The following IFNAR1 variants were observed in gnomAD, a reference collection of about 807,000 sequenced individuals.
The protein encoded by IFNAR1 is interferon alpha and beta receptor subunit 1, also known as interferon alpha/beta receptor 1.
Under a neutral mutation model 62.1 loss-of-function variants are expected in IFNAR1, and 47 were observed. The ratio of observed to expected loss-of-function variants is 0.76; its 90% confidence interval spans 0.60 to 0.97. IFNAR1 has a LOEUF of 0.97. IFNAR1 is among the 50% of genes least tolerant of loss of function. The pLI, the probability that IFNAR1 is intolerant of heterozygous loss-of-function variation, is 0.00. For synonymous variants in IFNAR1, 219 were observed against 226.9 expected (o/e 0.97, Z 0.31); for missense variants, 638 against 654.5 (o/e 0.97, Z 0.27).
intron 2 of IFNAR1, 83 bp from the exon 3 acceptor site, chr21:33,340,916 C>T (rs2083286136): frequency 2.3e-6 from 2 of 867,962 alleles, no homozygotes; most frequent in East Asian, 2.5e-5. Context: ...TAAGAAATAA[C>T]TCTTATACCA....
At chr21:33,352,486 C>G (rs2083407277) in intron 8 of IFNAR1, among the ~76,000 whole-genome samples, 1 of 152,024 alleles carries the variant, frequency 6.6e-6, no homozygotes, top group African/African-American at 2.4e-5. Context: ...ATCTGTAATC[C>G]CAACTACTCA....
intron 1 of IFNAR1, among the ~76,000 whole-genome samples, chr21:33,331,577 T>C (rs769920148): frequency 2.0e-5 from 3 of 152,162 alleles, no homozygotes; most frequent in African/African-American, 4.8e-5. Context: ...AGTGGAGTCA[T>C]CACTGTGCTG....
At chr21:33,332,116 G>A (rs2083187153) in intron 1 of IFNAR1, among the ~76,000 whole-genome samples, 1 of 152,170 alleles carries the variant, frequency 6.6e-6, no homozygotes, top group South Asian at 2.1e-4. Flanking sequence ...TATAGCCCCT[G>A]TCAGACCTGA....
At chr21:33,335,491 A>T in intron 1 of IFNAR1, 33 bp from the exon 2 acceptor site, 1 of 1,314,988 alleles carries the variant, frequency 7.6e-7, no homozygotes, top group Non-Finnish European at 1.1e-6. Flanking sequence ...TACAGTTTGT[A>T]TATAATGTTC....
rs772509641 is a variant in IFNAR1 at position 33,353,800 on chromosome 21, AT to A, written c.1440+24del. 12 of 1,518,320 alleles carry A rather than the reference AT, an allele frequency of 7.9e-6. No individual in the cohort carries two copies. Among genetic ancestry groups the A allele is most frequent in the East Asian group, 2.4e-5 (1 of 41,176 alleles). The allele number at this position is 1,518,320 out of a possible 1,614,324, so 94.1% of individuals were successfully genotyped here. On this transcript the variant is annotated intron_variant, in intron 10 of 10. Transcript: ENST00000270139. The stretch of plus-strand genomic sequence containing the variant: ...ATAGATGAGGTATGTTACTTTTTTT[AT>A]TTTTTTGTCAACAGCTAGGTAATGA...
At chr21:33,324,892 G>GGTGTGC (rs1555873673), upstream of IFNAR1, 17 of 571,546 alleles carry the variant, frequency 3.0e-5, no homozygotes, top group Non-Finnish European at 5.0e-5. Context: ...GCGGAGGGGC[G>GGTGTGC]GTGTGTGTGT....
At chr21:33,338,408 G>GC (rs11415417) in intron 2 of IFNAR1, among the ~76,000 whole-genome samples, 119,893 of 151,466 alleles carry the variant, frequency 0.79, 48,347 homozygotes, top group African/African-American at 0.95. Flanking sequence ...GGTGGTGCGT[G>GC]CTGTAATCCC....
At chr21:33,350,293 A>T (rs1480366778) in intron 8 of IFNAR1, among the ~76,000 whole-genome samples, 1 of 150,818 alleles carries the variant, frequency 6.6e-6, no homozygotes. Flanking sequence ...ATCTTCAGAT[A>T]TTGTCAAATG....
intron 5 of IFNAR1, among the ~76,000 whole-genome samples, chr21:33,344,609 GTTTT>G (rs2083327049): frequency 6.6e-6 from 1 of 151,728 alleles, no homozygotes. Context: ...AGTTTCTTGG[GTTTT>G]GTTTTTTAAA....
At chr21:33,345,225 T>TA (rs774725510) in intron 5 of IFNAR1, 21 bp from the exon 6 acceptor site, 19 of 1,171,494 alleles carry the variant, frequency 1.6e-5, no homozygotes, top group African/African-American at 6.1e-5. Context: ...TGCTTTTTTT[T>TA]ATCTGTTCTT....
intron 1 of IFNAR1, among the ~76,000 whole-genome samples, chr21:33,335,311 A>G (rs1470686721): frequency 6.6e-6 from 1 of 152,234 alleles, no homozygotes; most frequent in Non-Finnish European, 1.5e-5. Context: ...AGAGGAAAAA[A>G]AATCAACTCT....
intron 5 of IFNAR1, among the ~76,000 whole-genome samples, chr21:33,344,913 G>A (rs1054541209): frequency 6.6e-6 from 1 of 151,850 alleles, no homozygotes; most frequent in Non-Finnish European, 1.5e-5. Flanking sequence ...TCAGCCTCCC[G>A]AGTAGCTGGG....
Position 33,325,086 on chromosome 21 carries a change from C to T in IFNAR1, c.31C>T (p.Leu11=). The stretch of plus-strand genomic sequence containing the variant: ...GGTCGTCCTCCTGGGCGCGACGACC[C>T]TAGTGCTCGTCGCCGTGGCGCCATG... The part of the protein sequence containing the change: MMVVLLGATT[L]VLVAVAPWVL... Residue 11 remains leucine (L), a synonymous_variant, in exon 1 of 11, where the codon CTA becomes TTA. Coordinates refer to ENST00000270139, the MANE Select transcript of IFNAR1 (RefSeq NM_000629.3). 6.2e-7 allele frequency: 1 copy of T among 1,610,764 alleles called. No homozygotes were observed. The highest frequency in any genetic ancestry group is 1.1e-5 in the South Asian group (1 of 90,652).
intron 1 of IFNAR1, among the ~76,000 whole-genome samples, chr21:33,326,212 CTTT>C (rs3989181): frequency 0.39 from 54,087 of 138,120 alleles, 10,012 homozygotes; most frequent in Middle Eastern, 0.46. Flanking sequence ...TTTATTTATA[CTTT>C]TTTTTTTTTT....
intron 1 of IFNAR1, among the ~76,000 whole-genome samples, chr21:33,327,068 G>T (rs947937193): frequency 6.6e-5 from 10 of 152,122 alleles, no homozygotes; most frequent in Admixed American, 5.9e-4. Context: ...TGTGGTACAT[G>T]ATATCCTATT....
chr21:33,357,111 C>G lies in IFNAR1; in HGVS notation c.*1562C>G, dbSNP rs2083455464. 6.6e-6 allele frequency: 1 copy of G among 152,164 alleles called. No individual in the cohort carries two copies. Among genetic ancestry groups the G allele is most frequent in the Admixed American group, 6.5e-5 (1 of 15,272 alleles). The allele number at this position is 152,164 out of a possible 1,614,324, so 9.4% of individuals were successfully genotyped here. A position where few individuals can be genotyped will look rare whatever the true frequency, so the allele number is the denominator to read the frequency against. On this transcript the variant is annotated 3_prime_UTR_variant, in exon 11 of 11. Coordinates refer to ENST00000270139, the MANE Select transcript of IFNAR1 (RefSeq NM_000629.3). The stretch of plus-strand genomic sequence containing the variant: ...CTACTGGGGATTACCCATGGATATC[C>G]TTAATAGGCAGGAAGTCTGGGAATT...
rs747492849 is a variant in IFNAR1, at chr21:33,341,006, A to T, written c.208A>T (p.Met70Leu). ...TFSFDYQKTG[M>L]DNWIKLSGCQ... Reference sequence around the variant, plus strand: ...GTTTTTTTTACTTTAAAGAACTGGGATGGATAATTGGATAAAATTGTCTGG... The same window carrying T: ...GTTTTTTTTACTTTAAAGAACTGGGTTGGATAATTGGATAAAATTGTCTGG... The change falls in exon 3 of 11, where the codon ATG becomes TTG. Residue 70 changes from methionine to leucine, a missense_variant. Physicochemically the swap from Met to Leu is conservative, Grantham distance 15. Coordinates refer to ENST00000270139, the MANE Select transcript of IFNAR1 (RefSeq NM_000629.3). The T allele has an allele frequency of 1.6e-5, 25 of 1,604,606 alleles. No homozygotes were observed. The highest frequency in any genetic ancestry group is 2.1e-5 in the Non-Finnish European group (25 of 1,172,864).
intron 1 of IFNAR1, chr21:33,335,029 G>A: frequency 7.1e-7 from 1 of 1,404,790 alleles, no homozygotes; most frequent in Non-Finnish European, 1.0e-6. Context: ...TCAATTATTT[G>A]TGATGATGTC....
intron 3 of IFNAR1, among the ~76,000 whole-genome samples, chr21:33,342,032 C>G (rs949147842): frequency 6.6e-6 from 1 of 152,102 alleles, no homozygotes; most frequent in Admixed American, 6.5e-5. Flanking sequence ...AAAACTTTAC[C>G]AGTTTTAATG....
Sources: gnomAD v4.1 joint callset for allele counts (sites outside exome capture counted in the v4.1 genomes callset) on GRCh38, gnomAD v4.1.1 for gene constraint, MANE v1.5 for transcripts, NCBI Gene and HGNC (gene_info 2026-07-23, HGNC 2026-07-21) for gene names.